Variants in ATAD2B observed in about 807,000 individuals in gnomAD.
The protein encoded by ATAD2B is ATPase family AAA domain-containing protein 2B.
A neutral mutation model predicts 167.6 loss-of-function variants in ATAD2B; 40 were observed. The observed-to-expected ratio is 0.24, with a 90% CI of 0.19 to 0.31. The LOEUF is 0.31. Among genes scored for constraint, ATAD2B ranks in the 10% least tolerant of loss-of-function variants. ATAD2B has a pLI of 1.00. For synonymous variants in ATAD2B, 579 were observed against 596.5 expected, an observed-to-expected ratio of 0.97 and a Z score of 0.43; for missense variants, 1,242 against 1,757.2, an observed-to-expected ratio of 0.71 and a Z score of 5.24.
intron 19 of ATAD2B, among the ~76,000 whole-genome samples, chr2:23,796,859 C>T (rs775652931): frequency 8.5e-5 from 13 of 152,084 alleles, no homozygotes; most frequent in Non-Finnish European, 1.5e-4. Flanking sequence ...GAAAATGAAG[C>T]AATTATACGT....
In ATAD2B at chr2:23,749,211, A is replaced by C. The variant is rs1164194218; in HGVS notation, c.*2835T>G. The C allele has an allele frequency of 3.3e-5, 5 of 152,072 alleles. No individual in the cohort carries two copies. The highest frequency in any genetic ancestry group is 7.4e-5 in the Non-Finnish European group (5 of 67,998). 9.4% of individuals were successfully genotyped at this position (152,072 alleles called of 1,614,324 possible). The stretch of plus-strand genomic sequence containing the variant: ...ACAGGTGAGATTCAAGCTCGAAAAC[A>C]CAATTAACTCCACAGCCATCAGTTT... On this transcript the variant is annotated 3_prime_UTR_variant, in exon 28 of 28. Transcript: ENST00000238789.
the ATAD2B span, chr2:23,684,334 TTTTAATTAAAAAAAAAA>T: frequency 8.0e-7 from 1 of 1,255,546 alleles, no homozygotes; most frequent in Admixed American, 3.6e-5. This position sits in a 1 kb window ranked among gnomAD's most constrained non-coding sequence, Gnocchi z 4.4. Context: ...AAAAAACTTT[TTTTAATTAAAAAAAAAA>T]AAACTCTTAA....
At chr2:23,861,775 T>G (rs559282139) in intron 12 of ATAD2B, among the ~76,000 whole-genome samples, 2 of 152,356 alleles carry the variant, frequency 1.3e-5, no homozygotes, top group East Asian at 3.9e-4. Context: ...TATTGTTTGA[T>G]TATTAATGAA....
At chr2:23,908,840 A>T (rs1339719421) in intron 1 of ATAD2B, among the ~76,000 whole-genome samples, 1 of 151,936 alleles carries the variant, frequency 6.6e-6, no homozygotes, top group African/African-American at 2.4e-5. Flanking sequence ...CTTTGTAGGG[A>T]TATGGATGAA....
At chr2:23,712,351 A>G in the ATAD2B span, among the ~76,000 whole-genome samples, 1 of 152,240 alleles carries the variant, frequency 6.6e-6, no homozygotes, top group Non-Finnish European at 1.5e-5. Context: ...ACACCTGGTA[A>G]GAGTCTCAGC....
the ATAD2B span, among the ~76,000 whole-genome samples, chr2:23,687,780 TGACTCCACGTTGCTGCAGGGCCG>T: frequency 6.6e-6 from 1 of 152,008 alleles, no homozygotes; most frequent in African/African-American, 2.4e-5. Flanking sequence ...GTCCCACAGG[TGACTCCACGTTGCTGCAGGGCCG>T]GGTATGAGGG....
chr2:23,751,994 A>T lies in ATAD2B; in HGVS notation c.*52T>A. On this transcript the variant is annotated 3_prime_UTR_variant, in exon 28 of 28. Transcript: ENST00000238789. ...AATTTGAAATTGAATGGCTCAGAAG[A>T]CTGCTCTGTGAGGAGCAGATTGGAG... 11 of 1,366,688 alleles carry T rather than the reference A, an allele frequency of 8.0e-6. No individual in the cohort carries two copies. Among genetic ancestry groups the T allele is most frequent in the Non-Finnish European group, 1.1e-5 (11 of 980,386 alleles). The allele number at this position is 1,366,688 out of a possible 1,614,324, so 84.7% of individuals were successfully genotyped here. A position where few individuals can be genotyped will look rare whatever the true frequency, so the allele number is the denominator to read the frequency against.
intron 1 of ATAD2B, among the ~76,000 whole-genome samples, chr2:23,923,146 G>A (rs1053590982): frequency 1.3e-5 from 2 of 152,176 alleles, no homozygotes; most frequent in Non-Finnish European, 2.9e-5. Context: ...TGGTGTACAT[G>A]TGTGCATGCC....
chr2:23,844,704 T>A (rs1421044796), intron 13 of ATAD2B, among the ~76,000 whole-genome samples: 1 of 152,030 alleles, frequency 6.6e-6, no homozygotes, highest in Non-Finnish European at 1.5e-5. Flanking sequence ...AAAGATAATT[T>A]AAAGCAAAAT....
chr2:23,886,525 G>C (rs1054429885), intron 4 of ATAD2B, among the ~76,000 whole-genome samples: 1 of 151,920 alleles, frequency 6.6e-6, no homozygotes, highest in Non-Finnish European at 1.5e-5. Flanking sequence ...ATCTTTATTT[G>C]TATAAAAATA....
the ATAD2B span, among the ~76,000 whole-genome samples, chr2:23,742,837 T>G: frequency 7.9e-5 from 12 of 152,114 alleles, no homozygotes; most frequent in Non-Finnish European, 1.6e-4. Context: ...AAGATCTGAA[T>G]AACAGTAGTT....
intron 13 of ATAD2B, among the ~76,000 whole-genome samples, chr2:23,851,669 T>C (rs1692591990): frequency 6.6e-6 from 1 of 152,224 alleles, no homozygotes; most frequent in Non-Finnish European, 1.5e-5. Context: ...ATACATTCTA[T>C]GGGTTTGGAC....
rs3029919 is a variant in ATAD2B, at chr2:23,903,237, AAAAT to A, written c.217-7271_217-7268del. Among the ~76,000 whole-genome samples the A allele has an allele frequency of 6.1e-4, 89 of 145,650 alleles. 2 individuals are homozygous for A. In the South Asian group the frequency reaches 0.014, roughly 23 times the overall value. ...GGCAACAGAGCAAGACTGTGTCTCA[AAAAT>A]AAATAAATAAATAAATAAATAAATA... On this transcript the variant is annotated intron_variant, in intron 1 of 27. Coordinates refer to ENST00000238789, the MANE Select transcript of ATAD2B (RefSeq NM_017552.4).
the ATAD2B span, among the ~76,000 whole-genome samples, chr2:23,686,101 G>C: frequency 6.6e-6 from 1 of 152,200 alleles, no homozygotes; most frequent in Admixed American, 6.5e-5. Context: ...CTGAGAAGAG[G>C]GAGGAAGAGC....
the ATAD2B span, chr2:23,695,752 C>T: frequency 2.6e-6 from 4 of 1,551,536 alleles, no homozygotes; most frequent in Non-Finnish European, 3.5e-6. The surrounding 1 kb of genome is among the most constrained non-coding windows in gnomAD (Gnocchi z 7.6). Context: ...CGAGGCCAAA[C>T]GCTACCATAT....
At position 23,788,627 on chromosome 2, in the gene ATAD2B, T is replaced by C; in HGVS notation, c.2661A>G (p.Ile887Met). Reference sequence around the variant, plus strand: ...GAATATACAAGACCTCTTCATACTGTATTCTAAAGATACATTTAACCTACA... The same window carrying C: ...GAATATACAAGACCTCTTCATACTGCATTCTAAAGATACATTTAACCTACA... The part of the protein sequence containing the change: ...LPEEVKCIFR[I>M]QYEEVLYIQR... Residue 887 changes from isoleucine to methionine, a missense_variant, in exon 20 of 28, where the codon ATA becomes ATG. By Grantham distance (10) the Ile-to-Met change is conservative. Coordinates refer to ENST00000238789, the MANE Select transcript of ATAD2B (RefSeq NM_017552.4). The C allele has an allele frequency of 6.3e-7, 1 of 1,596,846 alleles. No individual in the cohort carries two copies. Among genetic ancestry groups the C allele is most frequent in the Non-Finnish European group, 8.6e-7 (1 of 1,165,354 alleles).
chr2:23,880,648 G>T lies in ATAD2B; in HGVS notation c.892C>A (p.Pro298Thr), dbSNP rs762981370. 6.3e-7 allele frequency: 1 copy of T among 1,592,514 alleles called. No homozygotes were observed. Among genetic ancestry groups the T allele is most frequent in the Non-Finnish European group, 8.6e-7 (1 of 1,165,398 alleles). Residue 298 changes from proline to threonine, a missense_variant, in exon 7 of 28, where the codon CCT becomes ACT. Around this residue, in one of 9 missense-constraint regions of ATAD2B, gnomAD observed 127 missense variants for 146.3 expected, o/e 0.87. Transcript: ENST00000238789. ...ATTTAGAGTTGCCTACCTATTGGAGGTGCTTGGTATCGATCCACTGTTTTT... is the reference window on the plus strand; with the variant it reads ...ATTTAGAGTTGCCTACCTATTGGAGTTGCTTGGTATCGATCCACTGTTTTT... Reference protein sequence around the residue: ...QRKTVDRYQAPPIVPAHQKKR... With the variant: ...QRKTVDRYQATPIVPAHQKKR...
intron 22 of ATAD2B, among the ~76,000 whole-genome samples, chr2:23,768,572 C>CAA (rs756238773): frequency 1.0e-4 from 14 of 135,714 alleles, no homozygotes; most frequent in African/African-American, 1.9e-4. Context: ...ATCCTGTCTC[C>CAA]AAAAAAAAAA....
At chr2:23,836,932 T>C (rs1030788054) in intron 13 of ATAD2B, among the ~76,000 whole-genome samples, 1 of 152,052 alleles carries the variant, frequency 6.6e-6, no homozygotes, top group African/African-American at 2.4e-5. Context: ...CCCACTCCAG[T>C]CTGTGGGACT....
Sources: allele counts gnomAD v4.1 joint callset (sites outside exome capture counted in the v4.1 genomes callset), GRCh38; gene constraint gnomAD v4.1.1; regional missense constraint gnomAD v4.1.1; non-coding constraint Gnocchi (gnomAD v3.1); transcripts MANE v1.5; gene names NCBI Gene and HGNC (gene_info 2026-07-23, HGNC 2026-07-21).